PHC3: variants seen among roughly 807,000 people sequenced by gnomAD.
The protein encoded by PHC3 is polyhomeotic-like protein 3.
Under a neutral mutation model 107.4 loss-of-function variants are expected in PHC3, and 13 were observed. The observed-to-expected ratio is 0.12, with a 90% CI of 0.08 to 0.19. The LOEUF (loss-of-function observed/expected upper bound fraction) is 0.19, where lower values mean the gene tolerates loss of function less well. PHC3 is among the 10% of genes least tolerant of loss of function. The probability of loss-of-function intolerance (pLI) is 1.00; values close to 1 mark genes in which losing one functional copy is unlikely to be tolerated. For missense variants in PHC3, 992 were observed against 1,210.9 expected, an observed-to-expected ratio of 0.82 and a Z score of 2.68; for synonymous variants, 456 against 427.4, an observed-to-expected ratio of 1.07 and a Z score of -0.83.
At chr3:170,127,001 T>C (rs893899228) in intron 8 of PHC3, among the ~76,000 whole-genome samples, 6 of 152,146 alleles carry the variant, frequency 3.9e-5, no homozygotes, top group Non-Finnish European at 8.8e-5. Context: ...CCTTATTTTT[T>C]ACTGGTTAAA....
intron 7 of PHC3, among the ~76,000 whole-genome samples, chr3:170,130,265 A>G (rs1722040110): frequency 1.3e-5 from 2 of 152,202 alleles, no homozygotes; most frequent in African/African-American, 4.8e-5. Flanking sequence ...AATCATAAAA[A>G]TACTATATTA....
intron 8 of PHC3, among the ~76,000 whole-genome samples, chr3:170,123,160 A>G (rs1416816840): frequency 6.6e-6 from 1 of 152,188 alleles, no homozygotes; most frequent in Non-Finnish European, 1.5e-5. Flanking sequence ...ATGACACACT[A>G]TATTAGGACA....
chr3:170,145,598 A>G, intron 5 of PHC3, 77 bp from the exon 6 acceptor site: 1 of 990,664 alleles, frequency 1.0e-6, no homozygotes, highest in Non-Finnish European at 1.5e-6. Context: ...CAGGCAAGAG[A>G]GACTGAAATT....
chr3:170,143,476 C>G (rs887492432), intron 6 of PHC3, among the ~76,000 whole-genome samples: 3 of 151,848 alleles, frequency 2.0e-5, no homozygotes, highest in Non-Finnish European at 2.9e-5. Flanking sequence ...TCAAAAATAC[C>G]AAGGAATATT....
At chr3:170,176,779 G>A (rs934431021) in intron 2 of PHC3, 8 of 317,480 alleles carry the variant, frequency 2.5e-5, no homozygotes, top group African/African-American at 1.7e-4. Flanking sequence ...AACCTATAAT[G>A]TGCCTTACAC....
intron 2 of PHC3, chr3:170,177,067 C>A: frequency 3.0e-6 from 1 of 329,006 alleles, no homozygotes; most frequent in Non-Finnish European, 6.1e-6. Flanking sequence ...TAAGTGACTT[C>A]CTAGTTCAAT....
intron 8 of PHC3, among the ~76,000 whole-genome samples, chr3:170,126,528 A>ATATATATATATATATTTTTTT (rs370421296): frequency 1.1e-5 from 1 of 90,636 alleles, no homozygotes; most frequent in African/African-American, 4.5e-5. Flanking sequence ...ATATATATAT[A>ATATATATATATATATTTTTTT]TTTTTTTTTT....
intron 7 of PHC3, among the ~76,000 whole-genome samples, chr3:170,132,331 T>G (rs1440464095): frequency 6.6e-6 from 1 of 152,176 alleles, no homozygotes; most frequent in African/African-American, 2.4e-5. Context: ...CCCAAAATCA[T>G]CTGGCTATTA....
intron 7 of PHC3, among the ~76,000 whole-genome samples, chr3:170,132,508 G>T (rs1722422954): frequency 6.6e-6 from 1 of 152,194 alleles, no homozygotes; most frequent in Admixed American, 6.5e-5. Flanking sequence ...AGGTCATAGG[G>T]TGGGGCCCTG....
intron 9 of PHC3, among the ~76,000 whole-genome samples, chr3:170,119,176 A>G (rs1482462617): frequency 6.6e-6 from 1 of 152,178 alleles, no homozygotes; most frequent in African/African-American, 2.4e-5. Flanking sequence ...TATCTCACAT[A>G]CCAAATCTTC....
At chr3:170,098,582 T>C (rs1282340749) in intron 14 of PHC3, among the ~76,000 whole-genome samples, 1 of 152,036 alleles carries the variant, frequency 6.6e-6, no homozygotes, top group Admixed American at 6.6e-5. Flanking sequence ...ATAATATTTG[T>C]CAATAAGGAC....
chr3:170,119,036 T>TAAAAAAAAAAAAAAAAAA (rs1002478959), intron 9 of PHC3, among the ~76,000 whole-genome samples: 6 of 72,646 alleles, frequency 8.3e-5, no homozygotes, highest in South Asian at 4.6e-4. Flanking sequence ...TATAAAAAGC[T>TAAAAAAAAAAAAAAAAAA]AAAAAAAAAA....
chr3:170,106,115 G>GTA (rs2108292343), intron 12 of PHC3, among the ~76,000 whole-genome samples: 1 of 152,270 alleles, frequency 6.6e-6, no homozygotes, highest in Admixed American at 6.5e-5. Flanking sequence ...AGGAGGCTGA[G>GTA]GCAGGAGAAT....
chr3:170,146,877 C>CTTTTTTTTTTTT (rs1035803336), intron 5 of PHC3, among the ~76,000 whole-genome samples: 7 of 97,988 alleles, frequency 7.1e-5, no homozygotes, highest in African/African-American at 1.2e-4. Context: ...TCTATTTTTT[C>CTTTTTTTTTTTT]TTTTTTTTTT....
chr3:170,121,792 A>C (rs542574827), intron 9 of PHC3, among the ~76,000 whole-genome samples: 13 of 152,350 alleles, frequency 8.5e-5, no homozygotes, highest in African/African-American at 3.1e-4. Context: ...TTTTGAAAGA[A>C]TTTTCATTTA....
rs149188860 is a variant in PHC3, at chr3:170,148,959, C to T, written c.573+127G>A. 3,340 of 881,346 alleles carry T rather than the reference C, an allele frequency of 3.8e-3. 10 individuals are homozygous for T. Among genetic ancestry groups the T allele is most frequent in the Non-Finnish European group, 5.2e-3 (3,038 of 585,726 alleles). 54.6% of individuals were successfully genotyped at this position (881,346 alleles called of 1,614,324 possible). ...AATGTACAAGAGCTGAAGGCACGCCCGCATGCACACACACACAATTAAACA... is the reference window on the plus strand; with the variant it reads ...AATGTACAAGAGCTGAAGGCACGCCTGCATGCACACACACACAATTAAACA... On this transcript the variant is annotated intron_variant, in intron 5 of 14. Transcript: ENST00000495893.
intron 14 of PHC3, 133 bp downstream of exon 14, chr3:170,102,346 A>T: frequency 6.9e-7 from 1 of 1,456,474 alleles, no homozygotes; most frequent in Non-Finnish European, 9.0e-7. Context: ...TATTTCAATA[A>T]CAAATGTCAT....
At chr3:170,153,411 T>C (rs1425412452) in intron 4 of PHC3, among the ~76,000 whole-genome samples, 1 of 152,196 alleles carries the variant, frequency 6.6e-6, no homozygotes, top group Non-Finnish European at 1.5e-5. Flanking sequence ...ACTGGAATCT[T>C]GTCACCTTCT....
rs1324853857 is a variant in PHC3 at position 170,092,475 on chromosome 3, C to T, written c.*4755G>A. ...ACCAATATTGATGAATGTGGGTAAACAGTTCATTTCATGATCCACACTGCT... is the reference window on the plus strand; with the variant it reads ...ACCAATATTGATGAATGTGGGTAAATAGTTCATTTCATGATCCACACTGCT... On this transcript the variant is annotated 3_prime_UTR_variant, in exon 15 of 15. Coordinates refer to ENST00000495893, the MANE Select transcript of PHC3 (RefSeq NM_024947.4). 1 of 152,162 alleles carries T rather than the reference C, an allele frequency of 6.6e-6. No individual in the cohort carries two copies. Among genetic ancestry groups the T allele is most frequent in the Non-Finnish European group, 1.5e-5 (1 of 68,044 alleles). 9.4% of individuals were successfully genotyped at this position (152,162 alleles called of 1,614,324 possible).
Sources: allele counts gnomAD v4.1 joint callset (sites outside exome capture counted in the v4.1 genomes callset), GRCh38; gene constraint gnomAD v4.1.1; transcripts MANE v1.5; gene names NCBI Gene and HGNC (gene_info 2026-07-23, HGNC 2026-07-21).